CSMD1: variants seen among roughly 807,000 people sequenced by gnomAD.
The protein encoded by CSMD1 is CUB and Sushi multiple domains 1, also known as CUB and sushi domain-containing protein 1.
Under a neutral mutation model 417.5 loss-of-function variants are expected in CSMD1, and 213 were observed. That is an observed-to-expected ratio of 0.51 (90% CI 0.46 to 0.57). The LOEUF (loss-of-function observed/expected upper bound fraction) is 0.57, where lower values mean the gene tolerates loss of function less well. Ranked by LOEUF, CSMD1 falls within the 20% of genes least tolerant of loss-of-function variation. The probability of loss-of-function intolerance (pLI) is 0.00; values close to 1 mark genes in which losing one functional copy is unlikely to be tolerated. For synonymous variants in CSMD1, 2,862 were observed against 1,736.8 expected, an observed-to-expected ratio of 1.65 and a Z score of -16.11; for missense variants, 6,923 against 4,529.7, an observed-to-expected ratio of 1.53 and a Z score of -15.17.
At chr8:4,308,733 A>G (rs1798394518) in intron 3 of CSMD1, among the ~76,000 whole-genome samples, 1 of 152,198 alleles carries the variant, frequency 6.6e-6, no homozygotes, top group South Asian at 2.1e-4. Flanking sequence ...AATTTATCTG[A>G]GATGTGTAAG....
At chr8:3,878,457 C>G (rs988999606) in intron 5 of CSMD1, among the ~76,000 whole-genome samples, 1 of 152,102 alleles carries the variant, frequency 6.6e-6, no homozygotes, top group East Asian at 1.9e-4. Flanking sequence ...CCAGTGTAAA[C>G]ATGAACAGAC....
Position 3,080,727 on chromosome 8 carries a change from C to A in CSMD1, c.7474+6370G>T, listed in dbSNP as rs919828560. On this transcript the variant is annotated intron_variant, in intron 49 of 69. Transcript: ENST00000635120. Reference sequence around the variant, plus strand: ...ATGCATGTAATATCTGACGGCTTATCCTATATTATTTATTGAATCCTCTCA... The same window carrying A: ...ATGCATGTAATATCTGACGGCTTATACTATATTATTTATTGAATCCTCTCA... Among the ~76,000 whole-genome samples the A allele has an allele frequency of 9.2e-5, 14 of 152,198 alleles. No homozygotes were observed. The South Asian group carries it at 2.7e-3, about 29-fold the overall frequency.
chr8:3,536,861 G>C (rs979965963), intron 10 of CSMD1, among the ~76,000 whole-genome samples: 13 of 152,320 alleles, frequency 8.5e-5, no homozygotes, highest in Admixed American at 4.6e-4. Flanking sequence ...CTGTGGCTCA[G>C]ATAAGAATCC....
chr8:4,404,367 G>A lies in CSMD1; in HGVS notation c.415+15586C>T, dbSNP rs147227442. On this transcript the variant is annotated intron_variant, in intron 3 of 69. Coordinates refer to ENST00000635120, the MANE Select transcript of CSMD1 (RefSeq NM_033225.6). ...AGACCCATGAGCGCAGGGATTTTGTGCTGTTTTGTTCAACGCTGTATATGT... is the reference window on the plus strand; with the variant it reads ...AGACCCATGAGCGCAGGGATTTTGTACTGTTTTGTTCAACGCTGTATATGT... 4.6e-5 allele frequency among the ~76,000 whole-genome samples: 7 copies of A among 152,244 alleles called. No homozygotes were observed. The East Asian group carries it at 1.4e-3, about 29-fold the overall frequency.
chr8:3,833,268 G>T (rs760313249), intron 5 of CSMD1, among the ~76,000 whole-genome samples: 6 of 151,874 alleles, frequency 4.0e-5, no homozygotes, highest in African/African-American at 1.5e-4. Flanking sequence ...TCTGCATTTT[G>T]TCATTACAAC....
At chr8:4,453,467 G>A (rs907086494) in intron 2 of CSMD1, among the ~76,000 whole-genome samples, 2 of 152,172 alleles carry the variant, frequency 1.3e-5, no homozygotes, top group South Asian at 2.1e-4. Flanking sequence ...GAACGGTGAT[G>A]CGAAGTCTGG....
At chr8:4,742,030 TTTTTTTTTTTTTTTTTTTGA>T (rs2117008877) in intron 1 of CSMD1, among the ~76,000 whole-genome samples, 1 of 88,898 alleles carries the variant, frequency 1.1e-5, no homozygotes, top group African/African-American at 5.0e-5. Flanking sequence ...TTTTTTTTTT[TTTTTTTTTTTTTTTTTTTGA>T]GACGGAGTCT....
At chr8:3,844,193 T>C (rs936399006) in intron 5 of CSMD1, among the ~76,000 whole-genome samples, 10 of 152,192 alleles carry the variant, frequency 6.6e-5, no homozygotes, top group Admixed American at 2.6e-4. Flanking sequence ...TTATTTCCTC[T>C]TTAAGAAGGG....
chr8:3,265,389 C>G (rs143598895), intron 26 of CSMD1, among the ~76,000 whole-genome samples: 39 of 152,230 alleles, frequency 2.6e-4, no homozygotes, highest in Admixed American at 1.7e-3. Flanking sequence ...TTCTATGAAT[C>G]TTGTGAAGGG....
At chr8:4,815,472 C>G (rs2897705) in intron 1 of CSMD1, among the ~76,000 whole-genome samples, 10,420 of 151,744 alleles carry the variant, frequency 0.069, 613 homozygotes, top group East Asian at 0.23. Context: ...GAGGTGGGAG[C>G]ATCACATGAG....
chr8:4,189,363 T>C (rs1226035689), intron 3 of CSMD1, among the ~76,000 whole-genome samples: 3 of 152,204 alleles, frequency 2.0e-5, no homozygotes, highest in Non-Finnish European at 2.9e-5. Context: ...TAATAAATAA[T>C]ATTAATAAGC....
At chr8:4,411,683 C>T (rs563742203) in intron 3 of CSMD1, among the ~76,000 whole-genome samples, 3 of 152,264 alleles carry the variant, frequency 2.0e-5, no homozygotes, top group East Asian at 1.9e-4. Flanking sequence ...TTCTCCTACA[C>T]GTTTCTGAAT....
intron 1 of CSMD1, among the ~76,000 whole-genome samples, chr8:4,668,454 T>G (rs1772109385): frequency 6.8e-6 from 1 of 146,394 alleles, no homozygotes; most frequent in Admixed American, 6.8e-5. Context: ...TTATTATTAT[T>G]ATTATTATTA....
At chr8:3,512,539 G>A (rs1197827650) in intron 10 of CSMD1, among the ~76,000 whole-genome samples, 1 of 108,322 alleles carries the variant, frequency 9.2e-6, no homozygotes, top group Non-Finnish European at 1.9e-5. Flanking sequence ...GGGCTGGTGG[G>A]TGAGTCCACA....
chr8:3,070,402 T>C (rs1002843886), intron 49 of CSMD1, among the ~76,000 whole-genome samples: 30 of 152,332 alleles, frequency 2.0e-4, no homozygotes, highest in Admixed American at 1.4e-3. Context: ...CTTTAAGTCA[T>C]TTATTTGCTC....
intron 26 of CSMD1, among the ~76,000 whole-genome samples, chr8:3,271,860 T>C (rs1801883819): frequency 6.6e-6 from 1 of 152,116 alleles, no homozygotes; most frequent in South Asian, 2.1e-4. Flanking sequence ...GTTGTGAAAA[T>C]TTTCTCCCAT....
chr8:4,434,807 C>A (rs894038464), intron 2 of CSMD1, among the ~76,000 whole-genome samples: 1 of 152,136 alleles, frequency 6.6e-6, no homozygotes, highest in African/African-American at 2.4e-5. Context: ...GCCCATGAAG[C>A]CCTACTTCAC....
chr8:4,729,857 T>G (rs1020191081), intron 1 of CSMD1, among the ~76,000 whole-genome samples: 1 of 152,224 alleles, frequency 6.6e-6, no homozygotes, highest in Non-Finnish European at 1.5e-5. Flanking sequence ...AGTCCTAATC[T>G]TTCTTTTGAA....
At chr8:3,926,086 C>A (rs1434406056) in intron 5 of CSMD1, among the ~76,000 whole-genome samples, 1 of 16,150 alleles carries the variant, frequency 6.2e-5, no homozygotes, top group African/African-American at 4.3e-4. Context: ...ACACCATACA[C>A]ACACACACAC....
Sources: allele counts gnomAD v4.1 joint callset (sites outside exome capture counted in the v4.1 genomes callset), GRCh38; gene constraint gnomAD v4.1.1; transcripts MANE v1.5; gene names NCBI Gene and HGNC (gene_info 2026-07-23, HGNC 2026-07-21).